Variants in KIAA0319L observed in about 807,000 individuals in gnomAD.
The protein encoded by KIAA0319L is dyslexia-associated protein KIAA0319-like protein.
KIAA0319L carries 55 observed loss-of-function variants against 120.1 expected under a neutral mutation model. The ratio of observed to expected loss-of-function variants is 0.46; its 90% CI spans 0.37 to 0.57. KIAA0319L has a LOEUF of 0.57. Among genes scored for constraint, KIAA0319L ranks in the 20% least tolerant of loss-of-function variants. KIAA0319L has a pLI of 0.00. For missense variants in KIAA0319L, 1,049 were observed against 1,255.3 expected, an observed-to-expected ratio of 0.84 and a Z score of 2.48; for synonymous variants, 398 against 471.9, an observed-to-expected ratio of 0.84 and a Z score of 2.03.
intron 18 of KIAA0319L, 80 bp from the exon 19 acceptor site, chr1:35,442,416 G>T (rs755761318): frequency 1.9e-6 from 2 of 1,071,678 alleles, no homozygotes; most frequent in East Asian, 2.4e-5. Context: ...GCTTGGGCAG[G>T]TGTGGCTTCA....
At chr1:35,523,996 A>G (rs1034852868) in intron 2 of KIAA0319L, among the ~76,000 whole-genome samples, 1 of 152,230 alleles carries the variant, frequency 6.6e-6, no homozygotes, top group African/African-American at 2.4e-5. Context: ...ATAATGGTTA[A>G]GGCACTTTAC....
At chr1:35,451,070 T>G (rs1642024020) in intron 13 of KIAA0319L, among the ~76,000 whole-genome samples, 1 of 152,166 alleles carries the variant, frequency 6.6e-6, no homozygotes, top group Admixed American at 6.5e-5. Context: ...GGTCTGCATA[T>G]CTGATGGTTT....
intron 3 of KIAA0319L, among the ~76,000 whole-genome samples, chr1:35,494,157 CA>C (rs1644707645): frequency 6.6e-6 from 1 of 152,060 alleles, no homozygotes; most frequent in African/African-American, 2.4e-5. Flanking sequence ...CTGATTTAAA[CA>C]TATATTACAG....
chr1:35,535,698 C>A (rs902124973), intron 2 of KIAA0319L, among the ~76,000 whole-genome samples: 1 of 152,176 alleles, frequency 6.6e-6, no homozygotes, highest in African/African-American at 2.4e-5. Flanking sequence ...TGTTATACTT[C>A]ATTTTAGCTC....
intron 5 of KIAA0319L, among the ~76,000 whole-genome samples, chr1:35,473,722 T>G (rs1250909765): frequency 6.6e-6 from 1 of 152,210 alleles, no homozygotes; most frequent in African/African-American, 2.4e-5. Context: ...TCTGGAAAAG[T>G]ACTTTTTGCA....
intron 4 of KIAA0319L, among the ~76,000 whole-genome samples, chr1:35,477,455 C>G (rs990284545): frequency 1.2e-4 from 19 of 152,108 alleles, no homozygotes; most frequent in East Asian, 3.9e-4. Flanking sequence ...ATCACAAGGT[C>G]AGGAGATCGA....
At chr1:35,448,407 T>G in intron 15 of KIAA0319L, 75 bp from the exon 16 acceptor site, 1 of 1,376,910 alleles carries the variant, frequency 7.3e-7, no homozygotes, top group South Asian at 1.3e-5. Context: ...GCATTTGCTT[T>G]GGCACAGGAG....
At chr1:35,471,070 T>G in intron 5 of KIAA0319L, 110 bp from the exon 6 acceptor site, 1 of 727,560 alleles carries the variant, frequency 1.4e-6, no homozygotes, top group Non-Finnish European at 2.5e-6. Context: ...AGGCTTTAGT[T>G]TTTAAGATTT....
At chr1:35,491,092 A>C (rs1264370786) in intron 3 of KIAA0319L, among the ~76,000 whole-genome samples, 2 of 152,232 alleles carry the variant, frequency 1.3e-5, no homozygotes, top group African/African-American at 4.8e-5. Flanking sequence ...AGAACAGACT[A>C]ATGCAATACT....
chr1:35,512,033 G>A (rs1645466818), intron 2 of KIAA0319L, among the ~76,000 whole-genome samples: 1 of 152,158 alleles, frequency 6.6e-6, no homozygotes, highest in South Asian at 2.1e-4. Flanking sequence ...ACTTTGGGAG[G>A]ATGAGGCAGA....
In KIAA0319L at chr1:35,506,297, C is replaced by T. The variant is rs1045174859; in HGVS notation, c.666+315G>A. Among the ~76,000 whole-genome samples the T allele has an allele frequency of 6.6e-6, 1 of 152,214 alleles. No homozygotes were observed. The highest frequency in any genetic ancestry group is 2.4e-5 in the African/African-American group (1 of 41,458). On this transcript the variant is annotated intron_variant, in intron 3 of 20. Transcript: ENST00000325722. This position sits in a 1 kb window ranked among gnomAD's most constrained non-coding sequence, Gnocchi z 4.0. ...CTGTTTTGCAATTTGGCAGAAAATA[C>T]TGCAGAATGGTTGGTGAATACTAAC...
intron 7 of KIAA0319L, among the ~76,000 whole-genome samples, chr1:35,464,324 CA>C (rs1453288720): frequency 1.3e-5 from 2 of 152,120 alleles, no homozygotes; most frequent in African/African-American, 2.4e-5. Context: ...GAAGTGGTCT[CA>C]GATGGAAATG....
At chr1:35,536,596 C>T (rs1266220758) in intron 2 of KIAA0319L, among the ~76,000 whole-genome samples, 1 of 152,214 alleles carries the variant, frequency 6.6e-6, no homozygotes, top group Non-Finnish European at 1.5e-5. Context: ...AACAGGGAAA[C>T]CACTCTATCA....
At chr1:35,513,286 ATATTT>A (rs761295099) in intron 2 of KIAA0319L, among the ~76,000 whole-genome samples, 48 of 102,744 alleles carry the variant, frequency 4.7e-4, no homozygotes, top group South Asian at 1.3e-3. Flanking sequence ...ATATATATAT[ATATTT>A]TTTTTTTTTT....
At chr1:35,508,336 T>C (rs1268076514) in intron 2 of KIAA0319L, among the ~76,000 whole-genome samples, 3 of 152,192 alleles carry the variant, frequency 2.0e-5, no homozygotes, top group Non-Finnish European at 4.4e-5. Flanking sequence ...ACACTGAAGA[T>C]ATGGATAATC....
At chr1:35,441,883 C>T (rs188463771) in intron 19 of KIAA0319L, among the ~76,000 whole-genome samples, 17 of 152,192 alleles carry the variant, frequency 1.1e-4, no homozygotes, top group Admixed American at 6.5e-4. Context: ...TAAAAACTCG[C>T]GGGCTATGCT....
At chr1:35,493,165 A>G (rs1644662599) in intron 3 of KIAA0319L, among the ~76,000 whole-genome samples, 1 of 152,220 alleles carries the variant, frequency 6.6e-6, no homozygotes, top group South Asian at 2.1e-4. Context: ...CAAAATGCTA[A>G]CAGAATGAAT....
intron 6 of KIAA0319L, among the ~76,000 whole-genome samples, chr1:35,467,104 G>GAA (rs796682247): frequency 3.9e-5 from 5 of 129,764 alleles, no homozygotes; most frequent in Admixed American, 1.6e-4. Flanking sequence ...ACAACGAACT[G>GAA]AAAAAAAAAA....
At chr1:35,524,371 T>C (rs1646039219) in intron 2 of KIAA0319L, among the ~76,000 whole-genome samples, 1 of 152,142 alleles carries the variant, frequency 6.6e-6, no homozygotes. Flanking sequence ...TATACAATTA[T>C]CGGGGTATAA....
Sources: gnomAD v4.1 joint callset for allele counts (sites outside exome capture counted in the v4.1 genomes callset) on GRCh38, gnomAD v4.1.1 for gene constraint, Gnocchi (gnomAD v3.1) non-coding constraint, MANE v1.5 for transcripts, NCBI Gene and HGNC (gene_info 2026-07-23, HGNC 2026-07-21) for gene names.